CNTNAP2: variants seen among roughly 807,000 people sequenced by gnomAD.
CNTNAP2 encodes contactin associated protein 2.
Under a neutral mutation model 155.2 loss-of-function variants are expected in CNTNAP2, and 98 were observed. The ratio of observed to expected loss-of-function variants is 0.63; its 90% CI spans 0.54 to 0.75. The LOEUF is 0.75. CNTNAP2 is among the 30% of genes least tolerant of loss of function. The pLI is 0.00. For synonymous variants in CNTNAP2, 651 were observed against 631.2 expected (o/e 1.03, Z -0.47); for missense variants, 1,727 against 1,688.1 (o/e 1.02, Z -0.40).
rs1168039951 is a variant in CNTNAP2 at position 146,305,757 on chromosome 7, G to A, written c.97+188784G>A. Among the ~76,000 whole-genome samples the A allele has an allele frequency of 7.2e-5, 11 of 152,102 alleles. No homozygotes were observed. The South Asian group carries it at 8.3e-4, about 11-fold the overall frequency. On this transcript the variant is annotated intron_variant, in intron 1 of 23. Transcript: ENST00000361727. ...GACACATTTAAAGCAGCGTGTAGGGGGAAATTTATAGCACTAAATGCCCAC... is the reference window on the plus strand; with the variant it reads ...GACACATTTAAAGCAGCGTGTAGGGAGAAATTTATAGCACTAAATGCCCAC...
chr7:147,791,739 T>A (rs1192363597), intron 13 of CNTNAP2, among the ~76,000 whole-genome samples: 1 of 152,078 alleles, frequency 6.6e-6, no homozygotes, highest in African/African-American at 2.4e-5. Context: ...GAGATGCCCA[T>A]TGTGGGTTTC....
chr7:148,258,744 G>T (rs1022957713), intron 20 of CNTNAP2, among the ~76,000 whole-genome samples: 1 of 152,128 alleles, frequency 6.6e-6, no homozygotes, highest in South Asian at 2.1e-4. Context: ...TTCATCAGAT[G>T]ATATGCTCTA....
chr7:147,978,727 C>T (rs551619454), intron 15 of CNTNAP2, among the ~76,000 whole-genome samples: 4 of 152,230 alleles, frequency 2.6e-5, no homozygotes, highest in South Asian at 4.1e-4. Context: ...TCCTGGGCAT[C>T]GTTTTCTCTC....
intron 1 of CNTNAP2, among the ~76,000 whole-genome samples, chr7:146,675,720 C>A (rs1375665393): frequency 6.6e-6 from 1 of 152,126 alleles, no homozygotes; most frequent in African/African-American, 2.4e-5. Context: ...TAACCCTTCA[C>A]ACACTTTCAC....
At chr7:146,601,423 A>C (rs2129151793) in intron 1 of CNTNAP2, among the ~76,000 whole-genome samples, 1 of 152,220 alleles carries the variant, frequency 6.6e-6, no homozygotes, top group African/African-American at 2.4e-5. Flanking sequence ...GAAAGTCCTT[A>C]AAATTCTACT....
At chr7:146,217,918 T>G (rs112280375) in intron 1 of CNTNAP2, among the ~76,000 whole-genome samples, 2,319 of 152,274 alleles carry the variant, frequency 0.015, 51 homozygotes, top group African/African-American at 0.052. Context: ...AATATATGGG[T>G]GATGACATAA....
chr7:148,311,290 G>A (rs899751932), intron 21 of CNTNAP2, among the ~76,000 whole-genome samples: 17 of 152,098 alleles, frequency 1.1e-4, no homozygotes, highest in African/African-American at 3.9e-4. Context: ...TGCCTAGTCT[G>A]CATGTAAGGT....
chr7:148,193,826 A>C (rs1795235017), intron 18 of CNTNAP2, among the ~76,000 whole-genome samples: 1 of 151,676 alleles, frequency 6.6e-6, no homozygotes, highest in African/African-American at 2.4e-5. Context: ...AGCTCCATGG[A>C]GCCTCCCATT....
chr7:147,549,651 A>G (rs1286219880), intron 11 of CNTNAP2, among the ~76,000 whole-genome samples: 4 of 152,176 alleles, frequency 2.6e-5, no homozygotes, highest in East Asian at 3.9e-4. Context: ...GGTAAGACCA[A>G]TGCCTCCCAT....
intron 1 of CNTNAP2, among the ~76,000 whole-genome samples, chr7:146,288,375 A>C (rs1317987199): frequency 1.3e-5 from 2 of 152,084 alleles, no homozygotes; most frequent in East Asian, 3.8e-4. Flanking sequence ...AAGTTATAGA[A>C]AAGTTAATTG....
intron 1 of CNTNAP2, among the ~76,000 whole-genome samples, chr7:146,507,892 A>G (rs954192009): frequency 1.3e-5 from 2 of 152,180 alleles, no homozygotes; most frequent in Middle Eastern, 3.2e-3. Flanking sequence ...TTTCCATGTG[A>G]AGACAAACTG....
At chr7:146,544,408 A>ACAT (rs1417736681) in intron 1 of CNTNAP2, among the ~76,000 whole-genome samples, 2 of 151,954 alleles carry the variant, frequency 1.3e-5, no homozygotes, top group African/African-American at 4.8e-5. Flanking sequence ...TTAACAGCAC[A>ACAT]CTTTCCGCTA....
chr7:148,024,777 C>T (rs1802347710), intron 15 of CNTNAP2, among the ~76,000 whole-genome samples: 1 of 152,156 alleles, frequency 6.6e-6, no homozygotes, highest in South Asian at 2.1e-4. Context: ...CATCAAAGTA[C>T]AGGAAGTCCT....
intron 9 of CNTNAP2, among the ~76,000 whole-genome samples, chr7:147,377,097 T>C (rs4726852): frequency 0.16 from 23,521 of 151,426 alleles, 2,087 homozygotes; most frequent in East Asian, 0.35. Context: ...TACCATCTTA[T>C]TTTGCTTTTT....
At chr7:146,991,400 A>C (rs1043472284) in intron 3 of CNTNAP2, among the ~76,000 whole-genome samples, 1 of 152,178 alleles carries the variant, frequency 6.6e-6, no homozygotes, top group Non-Finnish European at 1.5e-5. Context: ...GCAGAAGAAG[A>C]GAGAAATGAT....
intron 1 of CNTNAP2, among the ~76,000 whole-genome samples, chr7:146,171,970 A>G (rs1798397779): frequency 6.6e-6 from 1 of 151,736 alleles, no homozygotes; most frequent in African/African-American, 2.4e-5. Flanking sequence ...GAAATTTCAA[A>G]AAATGACAAA....
intron 2 of CNTNAP2, among the ~76,000 whole-genome samples, chr7:146,834,771 C>A (rs1459280649): frequency 1.3e-5 from 2 of 152,160 alleles, no homozygotes; most frequent in Non-Finnish European, 2.9e-5. Flanking sequence ...CAACCACTTT[C>A]TTTGAGCTGC....
chr7:146,416,653 A>G (rs1795942170), intron 1 of CNTNAP2, among the ~76,000 whole-genome samples: 1 of 152,174 alleles, frequency 6.6e-6, no homozygotes, highest in Non-Finnish European at 1.5e-5. Context: ...ATAAAATCAT[A>G]CAGAGGCAAA....
intron 1 of CNTNAP2, among the ~76,000 whole-genome samples, chr7:146,163,151 TATA>T (rs1168772694): frequency 6.6e-6 from 1 of 152,092 alleles, no homozygotes; most frequent in African/African-American, 2.4e-5. Flanking sequence ...GAACTTAAAG[TATA>T]ATAATAAAAA....
Sources: allele counts gnomAD v4.1 joint callset (sites outside exome capture counted in the v4.1 genomes callset), GRCh38; gene constraint gnomAD v4.1.1; transcripts MANE v1.5; gene names NCBI Gene and HGNC (gene_info 2026-07-23, HGNC 2026-07-21).